Variants in RPGRIP1 observed in about 807,000 individuals in gnomAD.
RPGRIP1 encodes the protein RPGR interacting protein 1, also known as X-linked retinitis pigmentosa GTPase regulator-interacting protein 1.
In RPGRIP1, 128 loss-of-function variants were observed where a neutral mutation model predicts 157.9. The observed-to-expected ratio is 0.81, with a 90% CI of 0.70 to 0.94. The LOEUF (loss-of-function observed/expected upper bound fraction) is 0.94. RPGRIP1 is among the 40% of genes least tolerant of loss of function. The pLI, the probability that RPGRIP1 is intolerant of heterozygous loss-of-function variation, is 0.00. For missense variants in RPGRIP1, 1,486 were observed against 1,545.8 expected, an observed-to-expected ratio of 0.96 and a Z score of 0.65; for synonymous variants, 554 against 571.6, an observed-to-expected ratio of 0.97 and a Z score of 0.44.
At position 21,310,493 on chromosome 14, in the gene RPGRIP1, T is replaced by C. The variant is rs1594182748; in HGVS notation, c.907-91T>C. 2.4e-5 allele frequency: 16 copies of C among 667,890 alleles called. No individual in the cohort carries two copies. The East Asian group carries it at 5.1e-4, about 21-fold the overall frequency. The allele number at this position is 667,890 out of a possible 1,614,324, so 41.4% of individuals were successfully genotyped here. A position where few individuals can be genotyped will look rare whatever the true frequency, so the allele number is the denominator to read the frequency against. ...GATTTGTTTTGTGGGATTTTTATAATGTCTTTAAAAATGTTAAGCATTATA... is the reference window on the plus strand; with the variant it reads ...GATTTGTTTTGTGGGATTTTTATAACGTCTTTAAAAATGTTAAGCATTATA... On this transcript the variant is annotated intron_variant, in intron 7 of 24. Coordinates refer to ENST00000400017, the MANE Select transcript of RPGRIP1 (RefSeq NM_020366.4).
intron 22 of RPGRIP1, among the ~76,000 whole-genome samples, chr14:21,344,830 C>A (rs1015584462): frequency 5.3e-5 from 8 of 152,124 alleles, no homozygotes; most frequent in Admixed American, 5.2e-4. Flanking sequence ...CCTGTAATCC[C>A]AACTACTCGG....
At chr14:21,281,350 C>T (rs1478453391) in intron 1 of RPGRIP1, among the ~76,000 whole-genome samples, 2 of 151,980 alleles carry the variant, frequency 1.3e-5, no homozygotes, top group South Asian at 2.1e-4. Flanking sequence ...ATATGTATTA[C>T]CTCATATGCT....
At chr14:21,300,705 C>CTT (rs918137131) in intron 3 of RPGRIP1, among the ~76,000 whole-genome samples, 1,060 of 73,496 alleles carry the variant, frequency 0.014, 131 homozygotes, top group South Asian at 0.029. Context: ...AGTGGCTCAA[C>CTT]TTTTTTTTTT....
chr14:21,317,106 C>G (rs189499403), intron 10 of RPGRIP1, among the ~76,000 whole-genome samples: 1 of 149,104 alleles, frequency 6.7e-6, no homozygotes, highest in Non-Finnish European at 1.5e-5. Context: ...GGTGACAGCT[C>G]GAGATTCTGT....
intron 21 of RPGRIP1, among the ~76,000 whole-genome samples, chr14:21,336,733 A>T (rs987262626): frequency 2.6e-5 from 4 of 152,232 alleles, no homozygotes; most frequent in African/African-American, 9.6e-5. Flanking sequence ...TTATTGAGTT[A>T]GTGAAAGAGC....
intron 1 of RPGRIP1, among the ~76,000 whole-genome samples, chr14:21,283,752 G>A (rs1469945791): frequency 6.6e-6 from 1 of 151,998 alleles, no homozygotes; most frequent in African/African-American, 2.4e-5. Flanking sequence ...CCACCTGCCG[G>A]GTTGAAGCGA....
rs867552844 is a variant in RPGRIP1 at position 21,312,474 on chromosome 14, G to T, written c.1119G>T (p.Leu373Phe). 6.2e-7 allele frequency: 1 copy of T among 1,611,892 alleles called. No homozygotes were observed. Residue 373 changes from leucine (L) to phenylalanine (F), a missense_variant, in exon 10 of 25, where the codon TTG (leucine) becomes TTT (phenylalanine). Physicochemically the swap from Leu to Phe is conservative, Grantham distance 22. Transcript: ENST00000400017. ...AAGATTTGGAAAAAGAACGAAAATTGCTGAATGACAATTATGACAAACTCT... is the reference window on the plus strand; with the variant it reads ...AAGATTTGGAAAAAGAACGAAAATTTCTGAATGACAATTATGACAAACTCT... The part of the protein sequence containing the change: ...RVEDLEKERK[L>F]LNDNYDKLLE...
intron 2 of RPGRIP1, among the ~76,000 whole-genome samples, chr14:21,292,515 T>G (rs897262894): frequency 3.3e-5 from 5 of 152,162 alleles, no homozygotes; most frequent in African/African-American, 1.2e-4. Flanking sequence ...GAGCCCAGCC[T>G]GGGCAACATG....
At position 21,334,687 on chromosome 14, in the gene RPGRIP1, T is replaced by C. The variant is rs1339222566; in HGVS notation, c.3321T>C (p.Ser1107=). The change falls in exon 21 of 25, where the codon TCT becomes TCC. Residue 1107 remains serine, a synonymous_variant. Coordinates refer to ENST00000400017, the MANE Select transcript of RPGRIP1 (RefSeq NM_020366.4). The part of the protein sequence containing the change: ...DSDDVIVPPM[S]QKYPKADSEK... Reference sequence around the variant, plus strand: ...ATGATGTCATAGTGCCACCCATGTCTCAGAAATATCCTAAGGCAGTAAGTA... The same window carrying C: ...ATGATGTCATAGTGCCACCCATGTCCCAGAAATATCCTAAGGCAGTAAGTA... The C allele has an allele frequency of 1.9e-6, 3 of 1,602,278 alleles. No individual in the cohort carries two copies. The highest frequency in any genetic ancestry group is 1.7e-6 in the Non-Finnish European group (2 of 1,173,872).
In RPGRIP1 at chr14:21,351,241, A is replaced by AAAG. The variant is rs756263276; in HGVS notation, c.*26_*28dup. On this transcript the variant is annotated 3_prime_UTR_variant, in exon 25 of 25. Transcript: ENST00000400017. ...AAGGAACAAGTGCTATTCCAATCTA[A>AAAG]AAGTCTCTGAGGGAACCATAGTAAA... 6.4e-6 allele frequency: 9 copies of AAAG among 1,413,962 alleles called. No individual in the cohort carries two copies. The highest frequency in any genetic ancestry group is 8.9e-6 in the Non-Finnish European group (9 of 1,008,412). 87.6% of individuals were successfully genotyped at this position (1,413,962 alleles called of 1,614,324 possible).
At chr14:21,281,735 A>AATAATC (rs949267854) in intron 1 of RPGRIP1, among the ~76,000 whole-genome samples, 2 of 147,632 alleles carry the variant, frequency 1.4e-5, no homozygotes, top group South Asian at 4.2e-4. Context: ...TAATAATAAT[A>AATAATC]ATCAGAGTAA....
intron 6 of RPGRIP1, 113 bp downstream of exon 6, chr14:21,303,656 A>G (rs1881136389): frequency 5.0e-6 from 4 of 802,360 alleles, no homozygotes; most frequent in Non-Finnish European, 8.0e-6. Flanking sequence ...ATTAAATTCA[A>G]TCGGAGTAGT....
At chr14:21,349,386 C>T (rs1428759180) in intron 24 of RPGRIP1, among the ~76,000 whole-genome samples, 1 of 132,626 alleles carries the variant, frequency 7.5e-6, no homozygotes, top group Non-Finnish European at 1.6e-5. Context: ...AATATAATTA[C>T]TATAATTTCT....
At chr14:21,324,218 T>C in intron 14 of RPGRIP1, 1 of 309,640 alleles carries the variant, frequency 3.2e-6, no homozygotes, top group Non-Finnish European at 6.2e-6. Context: ...TGCTATTATC[T>C]CCACGGCCAA....
intron 8 of RPGRIP1, chr14:21,310,867 G>A (rs960556537): frequency 4.5e-6 from 3 of 668,248 alleles, no homozygotes; most frequent in Non-Finnish European, 8.4e-6. Flanking sequence ...CCTATTGCTG[G>A]AGCAAATTAT....
chr14:21,322,068 C>T, intron 14 of RPGRIP1, 64 bp downstream of exon 14: 1 of 1,419,850 alleles, frequency 7.0e-7, no homozygotes, highest in Non-Finnish European at 9.6e-7. Context: ...CTGTGTTCCA[C>T]TCTGTGTACT....
intron 5 of RPGRIP1, 71 bp downstream of exon 5, chr14:21,302,655 A>C: frequency 3.1e-6 from 3 of 979,558 alleles, no homozygotes; most frequent in Middle Eastern, 2.1e-4. Flanking sequence ...TTTAGGGAAC[A>C]AATGAATGTT....
chr14:21,329,614 G>A (rs1360046404), intron 19 of RPGRIP1, among the ~76,000 whole-genome samples: 2 of 148,412 alleles, frequency 1.3e-5, no homozygotes, highest in Non-Finnish European at 3.0e-5. Context: ...CAATTCTGCT[G>A]CCTCAGCCTC....
intron 21 of RPGRIP1, 52 bp from the exon 22 acceptor site, chr14:21,342,984 C>T (rs557900740): frequency 2.2e-6 from 3 of 1,360,482 alleles, no homozygotes; most frequent in African/African-American, 2.9e-5. Flanking sequence ...GGCGTATAAG[C>T]ACTTGGAGCC....
Sources: allele counts gnomAD v4.1 joint callset (sites outside exome capture counted in the v4.1 genomes callset), GRCh38; gene constraint gnomAD v4.1.1; transcripts MANE v1.5; gene names NCBI Gene and HGNC (gene_info 2026-07-23, HGNC 2026-07-21).